The following MAPK10 variants were observed in gnomAD, a reference collection of about 807,000 sequenced individuals.
The protein encoded by MAPK10 is mitogen-activated protein kinase 10.
MAPK10 carries 25 observed loss-of-function variants against 59.3 expected under a neutral mutation model. The ratio of observed to expected loss-of-function variants is 0.42; its 90% CI spans 0.31 to 0.59. The LOEUF (loss-of-function observed/expected upper bound fraction) is 0.59, where lower values mean the gene tolerates loss of function less well. Ranked by LOEUF, MAPK10 falls within the 20% of genes least tolerant of loss-of-function variation. The probability of loss-of-function intolerance (pLI) is 0.15; values close to 1 mark genes in which losing one functional copy is unlikely to be tolerated. For missense variants in MAPK10, 351 were observed against 568.9 expected, an observed-to-expected ratio of 0.62 and a Z score of 3.90; for synonymous variants, 190 against 200.5, an observed-to-expected ratio of 0.95 and a Z score of 0.44.
intron 2 of MAPK10, among the ~76,000 whole-genome samples, chr4:86,318,199 T>C (rs1191777130): frequency 6.6e-6 from 1 of 152,168 alleles, no homozygotes; most frequent in Admixed American, 6.5e-5. Context: ...ACATAAATTT[T>C]GAGGGGACAG....
At chr4:86,591,171 G>A (rs1403729974) in intron 1 of MAPK10, among the ~76,000 whole-genome samples, 1 of 152,066 alleles carries the variant, frequency 6.6e-6, no homozygotes, top group East Asian at 1.9e-4. Context: ...CAGCCCTCCT[G>A]CCTTGGCCTT....
chr4:86,149,441 A>T (rs2065854487), intron 4 of MAPK10, among the ~76,000 whole-genome samples: 1 of 151,834 alleles, frequency 6.6e-6, no homozygotes, highest in South Asian at 2.1e-4. Context: ...TAATTTTTGT[A>T]TTTTTTAGTA....
intron 2 of MAPK10, among the ~76,000 whole-genome samples, chr4:86,331,921 T>G (rs1175353710): frequency 2.0e-5 from 3 of 152,192 alleles, no homozygotes; most frequent in African/African-American, 7.2e-5. Flanking sequence ...CTTTAGCTGC[T>G]TTTGCTTATA....
intron 2 of MAPK10, among the ~76,000 whole-genome samples, chr4:86,209,358 C>A (rs1169375541): frequency 6.6e-6 from 1 of 151,990 alleles, no homozygotes; most frequent in Non-Finnish European, 1.5e-5. Context: ...GTAGGAAGCA[C>A]CAGTAATCTG....
chr4:86,136,329 T>C (rs1329169341), intron 4 of MAPK10, among the ~76,000 whole-genome samples: 16 of 151,970 alleles, frequency 1.1e-4, no homozygotes, highest in Admixed American at 3.9e-4. Context: ...AGACTAACAG[T>C]GGATCTCTCA....
At chr4:86,198,006 A>G (rs1445090240) in intron 2 of MAPK10, among the ~76,000 whole-genome samples, 2 of 152,122 alleles carry the variant, frequency 1.3e-5, no homozygotes. Flanking sequence ...GAAAGAAGAA[A>G]CTATGCATTA....
At chr4:86,533,666 C>G (rs1019085446) in intron 1 of MAPK10, among the ~76,000 whole-genome samples, 3 of 152,156 alleles carry the variant, frequency 2.0e-5, no homozygotes, top group Non-Finnish European at 2.9e-5. Context: ...CTTAGTCTTC[C>G]AAGTATCTGG....
chr4:86,080,676 T>C (rs1186785905), intron 9 of MAPK10: 1 of 151,950 alleles, frequency 6.6e-6, no homozygotes, highest in Admixed American at 6.5e-5. Flanking sequence ...ACTACCTTTA[T>C]GCAAAAAAAT....
At chr4:86,275,408 C>T (rs17011654) in intron 2 of MAPK10, among the ~76,000 whole-genome samples, 16,478 of 151,872 alleles carry the variant, frequency 0.11, 934 homozygotes, top group Middle Eastern at 0.13. Flanking sequence ...CCACTTCTAG[C>T]GAATGACCCC....
intron 4 of MAPK10, among the ~76,000 whole-genome samples, chr4:86,123,467 C>T (rs913927721): frequency 1.3e-5 from 2 of 151,976 alleles, no homozygotes; most frequent in Admixed American, 1.3e-4. Context: ...TTTTGAGGAA[C>T]TGCATACTGT....
intron 11 of MAPK10, among the ~76,000 whole-genome samples, chr4:86,053,982 T>C (rs555666615): frequency 2.6e-5 from 4 of 152,294 alleles, no homozygotes; most frequent in African/African-American, 9.6e-5. Flanking sequence ...CATAAAGTAT[T>C]CTCTCTCAGT....
intron 1 of MAPK10, among the ~76,000 whole-genome samples, chr4:86,559,663 TG>T (rs1194539101): frequency 6.6e-6 from 1 of 152,134 alleles, no homozygotes; most frequent in Non-Finnish European, 1.5e-5. Flanking sequence ...CCAGGCGTGG[TG>T]GCTCATGCCT....
Position 86,539,892 on chromosome 4 carries a change from T to C in MAPK10, c.-263+54018A>G, listed in dbSNP as rs1758541331. ...ACAAAATCTTCTAAATATTCAATCA[T>C]AGGAGGAAGGTTAAATGAGTTGTAG... On this transcript the variant is annotated intron_variant, in intron 1 of 4. Transcript: ENST00000502302. Among the ~76,000 whole-genome samples, 3 of 152,152 alleles carry C rather than the reference T, an allele frequency of 2.0e-5. No homozygotes were observed. The South Asian group carries it at 6.2e-4, about 32-fold the overall frequency.
chr4:86,372,658 G>A (rs1218925339), intron 1 of MAPK10, among the ~76,000 whole-genome samples: 1 of 152,082 alleles, frequency 6.6e-6, no homozygotes, highest in Non-Finnish European at 1.5e-5. Flanking sequence ...TCTCCTGAAT[G>A]ACTACTGGGT....
At chr4:86,577,036 G>T (rs1001620836) in intron 1 of MAPK10, among the ~76,000 whole-genome samples, 2 of 152,090 alleles carry the variant, frequency 1.3e-5, no homozygotes, top group African/African-American at 4.8e-5. Flanking sequence ...CACTATATTG[G>T]CTTACACATG....
intron 1 of MAPK10, among the ~76,000 whole-genome samples, chr4:86,367,287 A>G (rs551737227): frequency 1.3e-5 from 2 of 152,076 alleles, no homozygotes; most frequent in South Asian, 4.2e-4. Flanking sequence ...GTCCACATTT[A>G]CTCTTTGAGT....
intron 1 of MAPK10, among the ~76,000 whole-genome samples, chr4:86,552,025 G>C (rs1759832254): frequency 6.6e-6 from 1 of 151,960 alleles, no homozygotes; most frequent in African/African-American, 2.4e-5. Context: ...TTTTTCATTA[G>C]AGAATGCCTA....
chr4:86,098,443 A>T (rs1046587710), intron 9 of MAPK10, 81 bp downstream of exon 9: 2 of 1,592,190 alleles, frequency 1.3e-6, no homozygotes, highest in Non-Finnish European at 1.7e-6. Context: ...TTCTATCTTT[A>T]CTCTCCTGGT....
intron 1 of MAPK10, among the ~76,000 whole-genome samples, chr4:86,577,453 G>T (rs1003427050): frequency 1.1e-4 from 17 of 152,014 alleles, no homozygotes; most frequent in African/African-American, 4.1e-4. Context: ...ATGATACAAA[G>T]AAATTCCAGA....
Sources: allele counts gnomAD v4.1 joint callset (sites outside exome capture counted in the v4.1 genomes callset), GRCh38; gene constraint gnomAD v4.1.1; transcripts MANE v1.5; gene names NCBI Gene and HGNC (gene_info 2026-07-23, HGNC 2026-07-21).